The following UGT1A9 variants were observed in gnomAD, a reference collection of about 807,000 sequenced individuals.
UGT1A9 encodes the protein UDP-glucuronosyltransferase 1A9.
In UGT1A9, 35 loss-of-function variants were observed where a neutral mutation model predicts 45.0. The ratio of observed to expected loss-of-function variants is 0.78; its 90% CI spans 0.59 to 1.03. The LOEUF (loss-of-function observed/expected upper bound fraction) is 1.03. Ranked by LOEUF, UGT1A9 falls within the 50% of genes least tolerant of loss-of-function variation. The probability of loss-of-function intolerance (pLI) is 0.00; values close to 1 mark genes in which losing one functional copy is unlikely to be tolerated. For missense variants in UGT1A9, 687 were observed against 666.6 expected (o/e 1.03, Z -0.34); for synonymous variants, 278 against 250.6 (o/e 1.11, Z -1.03).
intron 1 of UGT1A9, among the ~76,000 whole-genome samples, chr2:233,680,302 A>G (rs529908832): frequency 8.5e-5 from 13 of 152,226 alleles, no homozygotes. Flanking sequence ...TTACTCTGAC[A>G]TGCAATTTAC....
At chr2:233,682,202 G>A in intron 1 of UGT1A9, 2 of 1,614,244 alleles carry the variant, frequency 1.2e-6, no homozygotes, top group Non-Finnish European at 1.7e-6. Context: ...TCAGGACCGG[G>A]AGTTCATGGT....
At chr2:233,702,200 C>T (rs1204351976) in intron 1 of UGT1A9, among the ~76,000 whole-genome samples, 1 of 152,172 alleles carries the variant, frequency 6.6e-6, no homozygotes. Flanking sequence ...CCCTGGCAGC[C>T]ATTAATCAAC....
chr2:233,681,849 T>G (rs2074542229), intron 1 of UGT1A9: 1 of 1,519,206 alleles, frequency 6.6e-7, no homozygotes, highest in Admixed American at 2.3e-5. Flanking sequence ...ACGCCTTCTT[T>G]TGAGGGCAGG....
intron 1 of UGT1A9, chr2:233,748,079 G>C: frequency 6.2e-7 from 1 of 1,613,192 alleles, no homozygotes; most frequent in Non-Finnish European, 8.5e-7. Context: ...CACTATCTCA[G>C]GTCGGTGTTC....
At chr2:233,695,786 T>C (rs2075307257) in intron 1 of UGT1A9, among the ~76,000 whole-genome samples, 3 of 152,220 alleles carry the variant, frequency 2.0e-5, no homozygotes, top group Non-Finnish European at 2.9e-5. Context: ...TTTTCCATTC[T>C]GTATATGTAC....
chr2:233,767,781 T>C (rs1559414457), intron 2 of UGT1A9, 68 bp from the exon 3 acceptor site: 3 of 1,613,388 alleles, frequency 1.9e-6, no homozygotes, highest in East Asian at 2.2e-5. Context: ...TTCTAGTTAG[T>C]ATAGCAGATT....
At chr2:233,759,612 A>G (rs992811783) in intron 1 of UGT1A9, among the ~76,000 whole-genome samples, 1 of 32,716 alleles carries the variant, frequency 3.1e-5, no homozygotes, top group African/African-American at 8.8e-5. Flanking sequence ...CGCCCCACCC[A>G]CCCACCTGTT....
intron 1 of UGT1A9, among the ~76,000 whole-genome samples, chr2:233,745,360 T>C (rs1413277244): frequency 2.0e-5 from 3 of 151,920 alleles, no homozygotes; most frequent in African/African-American, 4.9e-5. Flanking sequence ...GGAATTTTTT[T>C]GAGATCTGAG....
intron 1 of UGT1A9, among the ~76,000 whole-genome samples, chr2:233,737,681 C>T (rs2125810058): frequency 6.6e-6 from 1 of 152,268 alleles, no homozygotes; most frequent in South Asian, 2.1e-4. Context: ...TCCTATTTGG[C>T]CATTGGTGCT....
intron 1 of UGT1A9, among the ~76,000 whole-genome samples, chr2:233,681,728 C>A (rs892364832): frequency 1.3e-5 from 2 of 152,122 alleles, no homozygotes; most frequent in Non-Finnish European, 2.9e-5. Flanking sequence ...ATGAGTTACT[C>A]TTTTCTTGAA....
chr2:233,753,414 T>C (rs1264924326), intron 1 of UGT1A9: 1 of 152,196 alleles, frequency 6.6e-6, no homozygotes, highest in Non-Finnish European at 1.5e-5. Flanking sequence ...CCAAACCCAT[T>C]GTCACAGTAT....
intron 1 of UGT1A9, among the ~76,000 whole-genome samples, chr2:233,740,045 T>C (rs374549434): frequency 3.3e-5 from 5 of 151,842 alleles, no homozygotes; most frequent in African/African-American, 1.2e-4. Context: ...AGGGACTCTT[T>C]CTCCTTTACT....
At chr2:233,677,167 A>G (rs1261255264) in intron 1 of UGT1A9, among the ~76,000 whole-genome samples, 2 of 152,192 alleles carry the variant, frequency 1.3e-5, no homozygotes, top group Admixed American at 6.5e-5. Flanking sequence ...TGAGTTTTCC[A>G]ATTCATTAAC....
intron 1 of UGT1A9, among the ~76,000 whole-genome samples, chr2:233,738,627 G>A (rs1481617124): frequency 1.3e-5 from 2 of 152,172 alleles, no homozygotes; most frequent in Non-Finnish European, 2.9e-5. Flanking sequence ...TGGCATTTTT[G>A]CCCCTGCCCT....
chr2:233,673,209 TTAAAA>T (rs1312203252), intron 1 of UGT1A9, among the ~76,000 whole-genome samples: 4 of 152,208 alleles, frequency 2.6e-5, no homozygotes, highest in Non-Finnish European at 4.4e-5. Flanking sequence ...ACCTATTTTG[TTAAAA>T]TAAAATCTAG....
At chr2:233,677,092 G>T (rs933930881) in intron 1 of UGT1A9, among the ~76,000 whole-genome samples, 3 of 151,942 alleles carry the variant, frequency 2.0e-5, no homozygotes, top group Admixed American at 1.3e-4. Flanking sequence ...AATCCTGCTA[G>T]GATTTTGATT....
chr2:233,724,364 G>T (rs1172748596), intron 1 of UGT1A9, among the ~76,000 whole-genome samples: 6 of 145,700 alleles, frequency 4.1e-5, no homozygotes, highest in South Asian at 4.7e-4. Context: ...CCTCCCGGAC[G>T]GGGTGGCTGC....
intron 1 of UGT1A9, among the ~76,000 whole-genome samples, chr2:233,674,801 C>T (rs906064883): frequency 2.0e-5 from 3 of 152,158 alleles, no homozygotes; most frequent in Non-Finnish European, 4.4e-5. Context: ...GAATTCAGAA[C>T]TCAAAGAAGG....
chr2:233,747,868 C>A, intron 1 of UGT1A9: 1 of 1,613,534 alleles, frequency 6.2e-7, no homozygotes, highest in South Asian at 1.1e-5. Flanking sequence ...TACCCTCTGG[C>A]CCTGTCCTAC....
Sources: gnomAD v4.1 joint callset for allele counts (sites outside exome capture counted in the v4.1 genomes callset) on GRCh38, gnomAD v4.1.1 for gene constraint, MANE v1.5 for transcripts, NCBI Gene and HGNC (gene_info 2026-07-23, HGNC 2026-07-21) for gene names.